VPS4B: variants seen among roughly 807,000 people sequenced by gnomAD.
The protein encoded by VPS4B is vacuolar protein sorting-associated protein 4B.
A neutral mutation model predicts 56.1 loss-of-function variants in VPS4B; 23 were observed. The observed-to-expected ratio is 0.41, with a 90% CI of 0.30 to 0.58. VPS4B has a LOEUF of 0.58. Ranked by LOEUF, VPS4B falls within the 20% of genes least tolerant of loss-of-function variation. The pLI is 0.29. For synonymous variants in VPS4B, 177 were observed against 186.0 expected, an observed-to-expected ratio of 0.95 and a Z score of 0.39; for missense variants, 372 against 531.9, an observed-to-expected ratio of 0.70 and a Z score of 2.96.
rs748705114 is a variant in VPS4B at position 63,389,427 on chromosome 18, C to T, written c.*1548G>A. 16 of 152,630 alleles carry T rather than the reference C, an allele frequency of 1.0e-4. No homozygotes were observed. Among genetic ancestry groups the T allele is most frequent in the Non-Finnish European group, 2.1e-4 (14 of 68,046 alleles). The allele number at this position is 152,630 out of a possible 1,614,324, so 9.5% of individuals were successfully genotyped here. A position where few individuals can be genotyped will look rare whatever the true frequency, so the allele number is the denominator to read the frequency against. ...AGCATATGTAAAATGTGCAAATACA[C>T]TTTAAAATGCAAGTTATTCTATAGC... On this transcript the variant is annotated 3_prime_UTR_variant, in exon 11 of 11. Coordinates refer to ENST00000238497, the MANE Select transcript of VPS4B (RefSeq NM_004869.4).
intron 9 of VPS4B, among the ~76,000 whole-genome samples, chr18:63,395,011 A>C (rs550830738): frequency 1.3e-5 from 2 of 152,336 alleles, no homozygotes; most frequent in South Asian, 4.1e-4. Context: ...AAAAATAAAC[A>C]GGGAATCTTC....
At chr18:63,415,125 T>G (rs1916133935) in intron 1 of VPS4B, among the ~76,000 whole-genome samples, 1 of 152,238 alleles carries the variant, frequency 6.6e-6, no homozygotes, top group Non-Finnish European at 1.5e-5. Flanking sequence ...TTTTTTCTGC[T>G]GATGAATACC....
intron 4 of VPS4B, among the ~76,000 whole-genome samples, chr18:63,405,336 G>A (rs1033984285): frequency 2.0e-5 from 3 of 151,758 alleles, no homozygotes; most frequent in African/African-American, 4.8e-5. Flanking sequence ...ATCACAAACC[G>A]ATTTTTAATT....
chr18:63,411,669 T>TA, intron 1 of VPS4B, 91 bp from the exon 2 acceptor site: 10 of 881,310 alleles, frequency 1.1e-5, no homozygotes, highest in Admixed American at 3.6e-5. Context: ...TTTTTTTTTT[T>TA]AAAGCTTCTC....
chr18:63,414,398 A>G (rs972636794), intron 1 of VPS4B, among the ~76,000 whole-genome samples: 1 of 152,098 alleles, frequency 6.6e-6, no homozygotes, highest in Non-Finnish European at 1.5e-5. Flanking sequence ...TGCATCTCAA[A>G]GCCTCAGTGG....
chr18:63,419,060 T>A (rs1480730917), intron 1 of VPS4B, among the ~76,000 whole-genome samples: 1 of 151,898 alleles, frequency 6.6e-6, no homozygotes, highest in Non-Finnish European at 1.5e-5. Context: ...CCTACCTGAG[T>A]TGGGTACTCA....
chr18:63,420,735 C>T (rs1400669556), intron 1 of VPS4B, among the ~76,000 whole-genome samples: 4 of 152,032 alleles, frequency 2.6e-5, no homozygotes, highest in African/African-American at 2.4e-5. Context: ...TAGTTTAATA[C>T]AACCTTGGTG....
chr18:63,397,801 G>A (rs533844176), intron 8 of VPS4B, among the ~76,000 whole-genome samples: 12 of 152,184 alleles, frequency 7.9e-5, no homozygotes, highest in Non-Finnish European at 1.5e-4. Flanking sequence ...GAGAAGCAAC[G>A]ATGAGGGATA....
chr18:63,404,872 A>C (rs1055513389), intron 4 of VPS4B, among the ~76,000 whole-genome samples: 3 of 152,178 alleles, frequency 2.0e-5, no homozygotes, highest in African/African-American at 7.2e-5. Context: ...TAGCTACTAG[A>C]TTAAAATTAC....
At chr18:63,394,308 C>T (rs1400489525) in intron 9 of VPS4B, among the ~76,000 whole-genome samples, 1 of 152,174 alleles carries the variant, frequency 6.6e-6, no homozygotes, top group South Asian at 2.1e-4. Flanking sequence ...AAAATGCTCT[C>T]AAATCTAAGT....
chr18:63,421,539 CA>C (rs2144445052), intron 1 of VPS4B, among the ~76,000 whole-genome samples: 1 of 152,324 alleles, frequency 6.6e-6, no homozygotes, highest in Admixed American at 6.5e-5. Context: ...GACACCATTA[CA>C]TTAAGAAATT....
Position 63,390,276 on chromosome 18 carries a change from G to C in VPS4B, c.*699C>G, listed in dbSNP as rs1915516199. The C allele has an allele frequency of 6.6e-6, 1 of 152,334 alleles. No individual in the cohort carries two copies. The highest frequency in any genetic ancestry group is 1.5e-5 in the Non-Finnish European group (1 of 68,164). The allele number at this position is 152,334 out of a possible 1,614,324, so 9.4% of individuals were successfully genotyped here. A position where few individuals can be genotyped will look rare whatever the true frequency, so the allele number is the denominator to read the frequency against. On this transcript the variant is annotated 3_prime_UTR_variant, in exon 11 of 11. Transcript: ENST00000238497. ...TTTAGTAGAGACGGCATTTCACCAT[G>C]TTGGCCAGACTGGTCTTGAACTCCT... is the stretch of plus-strand genomic sequence containing the variant.
intron 8 of VPS4B, among the ~76,000 whole-genome samples, chr18:63,397,707 C>T (rs753997333): frequency 3.8e-4 from 58 of 152,144 alleles, no homozygotes; most frequent in Admixed American, 7.2e-4. Context: ...ACATCCAGAA[C>T]AATCCTATAT....
chr18:63,417,140 G>A (rs1379568535), intron 1 of VPS4B, among the ~76,000 whole-genome samples: 1 of 151,704 alleles, frequency 6.6e-6, no homozygotes, highest in African/African-American at 2.4e-5. Flanking sequence ...TCTTCCTTTT[G>A]GTTACTTCAC....
chr18:63,421,243 T>C (rs1916294632), intron 1 of VPS4B, among the ~76,000 whole-genome samples: 1 of 152,142 alleles, frequency 6.6e-6, no homozygotes, highest in Non-Finnish European at 1.5e-5. Context: ...TGTGTATGTG[T>C]GTGTGAAATT....
At position 63,400,123 on chromosome 18, in the gene VPS4B, G is replaced by A. The variant is rs1915778012; in HGVS notation, c.715C>T (p.Leu239Phe). Residue 239 changes from leucine to phenylalanine, a missense_variant, in exon 7 of 11, where the codon CTC becomes TTC. By Grantham distance (22) the Leu-to-Phe change is conservative. Around this residue, in one of 3 missense-constraint regions of VPS4B, gnomAD observed 66 missense variants for 150.7 expected, o/e 0.44. Coordinates refer to ENST00000238497, the MANE Select transcript of VPS4B (RefSeq NM_004869.4). ...TCATTTTCACTTCTTGAACCACAGA[G>A]AGAATCAATTTCATCAATGAAGATA... The part of the protein sequence containing the change: ...SIIFIDEIDS[L>F]CGSRSENESE... 1.2e-6 allele frequency: 2 copies of A among 1,613,658 alleles called. No individual in the cohort carries two copies. Among genetic ancestry groups the A allele is most frequent in the Non-Finnish European group, 1.7e-6 (2 of 1,179,898 alleles).
At chr18:63,392,328 T>C (rs1050068522) in intron 10 of VPS4B, among the ~76,000 whole-genome samples, 1 of 152,254 alleles carries the variant, frequency 6.6e-6, no homozygotes. Flanking sequence ...CTATATTAAC[T>C]GTAATTTTTA....
chr18:63,399,343 G>A lies in VPS4B; in HGVS notation c.791-20C>T. On this transcript the variant is annotated intron_variant, in intron 7 of 10. Transcript: ENST00000238497. ...CAACCCCTGCATTAAAATAGGTAAT[G>A]CTTTAATTAATTTGTCATTTTGGTG... The A allele has an allele frequency of 1.3e-6, 2 of 1,599,844 alleles. No homozygotes were observed. Among genetic ancestry groups the A allele is most frequent in the Middle Eastern group, 1.7e-4 (1 of 6,016 alleles).
At chr18:63,398,228 T>TATATATATATATATATATATAC (rs1568084685) in intron 8 of VPS4B, among the ~76,000 whole-genome samples, 5 of 146,420 alleles carry the variant, frequency 3.4e-5, no homozygotes, top group African/African-American at 1.4e-4. Context: ...TATATATTTT[T>TATATATATATATATATATATAC]TTTTGAGATG....
Sources: gnomAD v4.1 joint callset for allele counts (sites outside exome capture counted in the v4.1 genomes callset) on GRCh38, gnomAD v4.1.1 for gene constraint, gnomAD v4.1.1 regional missense constraint, MANE v1.5 for transcripts, NCBI Gene and HGNC (gene_info 2026-07-23, HGNC 2026-07-21) for gene names.